GAPVD1: variants seen among roughly 807,000 people sequenced by gnomAD.
GAPVD1 encodes GTPase-activating protein and VPS9 domain-containing protein 1.
A neutral mutation model predicts 155.5 loss-of-function variants in GAPVD1; 35 were observed. The observed-to-expected ratio is 0.23, with a 90% CI of 0.17 to 0.30. The LOEUF (loss-of-function observed/expected upper bound fraction) is 0.30, where lower values mean the gene tolerates loss of function less well. GAPVD1 is among the 10% of genes least tolerant of loss of function. The pLI is 1.00. For missense variants in GAPVD1, 1,429 were observed against 1,775.7 expected, an observed-to-expected ratio of 0.80 and a Z score of 3.51; for synonymous variants, 636 against 619.7, an observed-to-expected ratio of 1.03 and a Z score of -0.39.
intron 2 of GAPVD1, among the ~76,000 whole-genome samples, chr9:125,291,005 A>G (rs1474627286): frequency 6.6e-6 from 1 of 151,364 alleles, no homozygotes; most frequent in Non-Finnish European, 1.5e-5. Context: ...AAAAAAAAAA[A>G]AAAAAAAGAC....
At chr9:125,320,773 C>T (rs1844212622) in intron 9 of GAPVD1, among the ~76,000 whole-genome samples, 2 of 151,904 alleles carry the variant, frequency 1.3e-5, no homozygotes. Context: ...CTACAGGCAC[C>T]CACCACCAAG....
chr9:125,349,953 G>A (rs1849073490), intron 21 of GAPVD1, among the ~76,000 whole-genome samples: 1 of 152,180 alleles, frequency 6.6e-6, no homozygotes, highest in Non-Finnish European at 1.5e-5. Flanking sequence ...CCAAATCTGG[G>A]TGTTGGGAGC....
At chr9:125,286,040 T>G (rs1425526669) in intron 2 of GAPVD1, among the ~76,000 whole-genome samples, 1 of 152,044 alleles carries the variant, frequency 6.6e-6, no homozygotes, top group Non-Finnish European at 1.5e-5. Context: ...AATCCTGGGC[T>G]CAAGTGATCC....
intron 2 of GAPVD1, among the ~76,000 whole-genome samples, chr9:125,278,598 GC>G (rs1053550713): frequency 6.6e-6 from 1 of 152,052 alleles, no homozygotes; most frequent in African/African-American, 2.4e-5. Flanking sequence ...ACTTTGGGAG[GC>G]CGAGGCAGAA....
chr9:125,305,208 T>C, intron 6 of GAPVD1, 59 bp downstream of exon 6: 1 of 1,109,422 alleles, frequency 9.0e-7, no homozygotes, highest in Non-Finnish European at 1.4e-6. Context: ...AACTGTTCTC[T>C]TTATTAAATC....
At chr9:125,271,676 G>A (rs151127651) in intron 2 of GAPVD1, among the ~76,000 whole-genome samples, 3,456 of 151,876 alleles carry the variant, frequency 0.023, 137 homozygotes, top group African/African-American at 0.079. Flanking sequence ...TCAGCCTCCC[G>A]AGTAGCTGGG....
At chr9:125,296,593 A>T (rs1447369689) in intron 3 of GAPVD1, among the ~76,000 whole-genome samples, 1 of 148,986 alleles carries the variant, frequency 6.7e-6, no homozygotes, top group Admixed American at 6.7e-5. Flanking sequence ...ATCTCAGGTG[A>T]TCCCCTTGCC....
rs575746294 is a variant in GAPVD1, at chr9:125,263,974, A to G, written c.-199+2015A>G. ...TGAGAGACTGCATGGCCTTCATGAC[A>G]TGAAGGTTGGGCACGTTCTTGTCTG... is the stretch of plus-strand genomic sequence containing the variant. On this transcript the variant is annotated intron_variant, in intron 1 of 27. Coordinates refer to ENST00000297933, the MANE Select transcript of GAPVD1 (RefSeq NM_001282680.3). 4.7e-5 allele frequency: 65 copies of G among 1,394,750 alleles called. No homozygotes were observed. The South Asian group carries it at 6.4e-4, about 14-fold the overall frequency. The allele number at this position is 1,394,750 out of a possible 1,614,324, so 86.4% of individuals were successfully genotyped here. A position where few individuals can be genotyped will look rare whatever the true frequency, so the allele number is the denominator to read the frequency against.
chr9:125,323,492 A>C (rs1243811719), intron 10 of GAPVD1, among the ~76,000 whole-genome samples: 1 of 152,072 alleles, frequency 6.6e-6, no homozygotes, highest in African/African-American at 2.4e-5. Context: ...TTTTTAGTAG[A>C]GGCTGGGTTT....
intron 25 of GAPVD1, among the ~76,000 whole-genome samples, chr9:125,357,434 C>A (rs759643271): frequency 1.3e-5 from 2 of 151,620 alleles, no homozygotes; most frequent in Non-Finnish European, 2.9e-5. Flanking sequence ...CAAAAATTAG[C>A]TGGGTGTGGT....
intron 9 of GAPVD1, among the ~76,000 whole-genome samples, chr9:125,316,258 G>A (rs1480348431): frequency 1.3e-5 from 2 of 151,986 alleles, no homozygotes; most frequent in African/African-American, 4.8e-5. Context: ...AGAACGTGCA[G>A]GTTTGTTACA....
intron 10 of GAPVD1, 129 bp downstream of exon 10, chr9:125,321,691 T>C (rs1844355126): frequency 1.2e-6 from 1 of 810,408 alleles, no homozygotes; most frequent in Non-Finnish European, 1.9e-6. Flanking sequence ...GAAGATTTCC[T>C]CTAATGAGCC....
At chr9:125,327,883 T>G (rs1309784960) in intron 12 of GAPVD1, among the ~76,000 whole-genome samples, 1 of 152,160 alleles carries the variant, frequency 6.6e-6, no homozygotes, top group African/African-American at 2.4e-5. Flanking sequence ...GTTTCAGGAG[T>G]TAGACCCACA....
At chr9:125,346,424 C>T in intron 19 of GAPVD1, 2 of 223,646 alleles carry the variant, frequency 8.9e-6, no homozygotes, top group African/African-American at 2.3e-5. Context: ...AGTTTTTTTT[C>T]CTCCTTCAGC....
chr9:125,275,792 G>C (rs1362203633), intron 2 of GAPVD1, among the ~76,000 whole-genome samples: 2 of 152,056 alleles, frequency 1.3e-5, no homozygotes, highest in African/African-American at 4.8e-5. Context: ...GTTTAACATT[G>C]CCAATTTCAT....
At chr9:125,345,762 C>T (rs1348684933) in intron 19 of GAPVD1, 3 of 152,106 alleles carry the variant, frequency 2.0e-5, no homozygotes, top group African/African-American at 7.2e-5. Context: ...AGGTACTTAG[C>T]ACAGTTCCTG....
chr9:125,293,869 T>TAA (rs1839251122), intron 2 of GAPVD1, among the ~76,000 whole-genome samples: 27 of 21,184 alleles, frequency 1.3e-3, no homozygotes, highest in African/African-American at 6.0e-3. Context: ...TATATATATA[T>TAA]ATATATATAT....
In GAPVD1 at chr9:125,299,090, C is replaced by T. The variant is rs926306472; in HGVS notation, c.169C>T (p.Arg57Trp). The T allele has an allele frequency of 6.3e-7, 1 of 1,592,402 alleles. No individual in the cohort carries two copies. Among genetic ancestry groups the T allele is most frequent in the East Asian group, 2.2e-5 (1 of 44,456 alleles). The change falls in exon 4 of 28, where the codon CGG becomes TGG. Residue 57 changes from arginine (R) to tryptophan (W), a missense_variant. Arg to Trp is a moderately radical substitution (Grantham distance 101). Around this residue, in one of 4 missense-constraint regions of GAPVD1, gnomAD observed 628 missense variants for 733.4 expected, o/e 0.86. Coordinates refer to ENST00000297933, the MANE Select transcript of GAPVD1 (RefSeq NM_001282680.3). ...IAKQQRINLD[R>W]LIITSAEASP... ...GAAGCAACAGAGAATCAATTTGGAT[C>T]GGCTTATCATAACCAGGTAAAGAGA... is the stretch of plus-strand genomic sequence containing the variant.
chr9:125,302,906 T>TA, intron 5 of GAPVD1, 80 bp downstream of exon 5: 2 of 1,489,298 alleles, frequency 1.3e-6, no homozygotes, highest in Non-Finnish European at 1.8e-6. Context: ...GAACAAATAA[T>TA]ACGATGACAG....
Sources: gnomAD v4.1 joint callset for allele counts (sites outside exome capture counted in the v4.1 genomes callset) on GRCh38, gnomAD v4.1.1 for gene constraint, gnomAD v4.1.1 regional missense constraint, MANE v1.5 for transcripts, NCBI Gene and HGNC (gene_info 2026-07-23, HGNC 2026-07-21) for gene names.